Variants in LMO7 observed in about 807,000 individuals in gnomAD.
LMO7 encodes LIM domain only protein 7.
A neutral mutation model predicts 206.5 loss-of-function variants in LMO7; 120 were observed. That is an observed-to-expected ratio of 0.58 (90% confidence interval 0.50 to 0.68). The LOEUF (loss-of-function observed/expected upper bound fraction) is 0.68. Among genes scored for constraint, LMO7 ranks in the 30% least tolerant of loss-of-function variants. The pLI is 0.00. For synonymous variants in LMO7, 706 were observed against 681.5 expected, an observed-to-expected ratio of 1.04 and a Z score of -0.56; for missense variants, 1,959 against 1,957.9, an observed-to-expected ratio of 1.00 and a Z score of -0.01.
chr13:75,662,632 T>TAATGTGACCAAAGTTTTTC (rs149416214), intron 1 of LMO7, among the ~76,000 whole-genome samples: 1 of 152,204 alleles, frequency 6.6e-6, no homozygotes, highest in Non-Finnish European at 1.5e-5. Flanking sequence ...CTAAGTTTTT[T>TAATGTGACCAAAGTTTTTC]AATGTGCCAA....
intron 1 of LMO7, among the ~76,000 whole-genome samples, chr13:75,693,202 C>G (rs1274763941): frequency 2.0e-5 from 3 of 152,148 alleles, no homozygotes; most frequent in African/African-American, 7.2e-5. Flanking sequence ...AGAAGCAAGA[C>G]TAGTATGCAT....
intron 4 of LMO7, among the ~76,000 whole-genome samples, chr13:75,775,510 T>G (rs1278019598): frequency 6.6e-6 from 1 of 151,740 alleles, no homozygotes; most frequent in Non-Finnish European, 1.5e-5. Flanking sequence ...AATAAATAAA[T>G]AAAAATAATA....
intron 26 of LMO7, 108 bp from the exon 27 acceptor site, chr13:75,848,971 T>G (rs956442971): frequency 3.6e-5 from 24 of 662,380 alleles, no homozygotes; most frequent in Non-Finnish European, 5.5e-5. Flanking sequence ...TAAGGTGGTA[T>G]CACATTATGG....
intron 6 of LMO7, among the ~76,000 whole-genome samples, chr13:75,797,375 G>C (rs1169854170): frequency 2.0e-5 from 3 of 152,160 alleles, no homozygotes; most frequent in Non-Finnish European, 2.9e-5. Flanking sequence ...CATTTGCAGA[G>C]AGCCAAGTGC....
chr13:75,632,861 A>ATTTTTTTTTTTTTTTTTTTTTTTT (rs1339104269), upstream of LMO7, among the ~76,000 whole-genome samples: 1 of 30,542 alleles, frequency 3.3e-5, no homozygotes, highest in African/African-American at 8.6e-5. Flanking sequence ...ATTACTTAAA[A>ATTTTTTTTTTTTTTTTTTTTTTTT]GTTTTTTTTT....
chr13:75,838,181 C>A lies in LMO7; in HGVS notation c.3436C>A (p.Gln1146Lys), dbSNP rs200358507. 63 of 1,607,346 alleles carry A rather than the reference C, an allele frequency of 3.9e-5. 1 individual carries two copies. The South Asian group carries it at 6.7e-4, about 17-fold the overall frequency. ...ISLKNLKRRS[Q>K]FFEQGSSDSV... Reference sequence around the variant, plus strand: ...TTTGAAAAACTTAAAAAGGCGATCACAATTTTTTGAACAAGGTAAACCACA... The same window carrying A: ...TTTGAAAAACTTAAAAAGGCGATCAAAATTTTTTGAACAAGGTAAACCACA... Residue 1146 changes from glutamine to lysine, a missense_variant, in exon 20 of 31, where the codon CAA becomes AAA. Physicochemically the swap from Gln to Lys is moderately conservative, Grantham distance 53. Coordinates refer to ENST00000377534, the MANE Select transcript of LMO7 (RefSeq NM_001306080.2).
chr13:75,858,853 A>G lies in LMO7; in HGVS notation c.*910A>G, dbSNP rs1471954040. 4.6e-5 allele frequency: 7 copies of G among 152,216 alleles called. No homozygotes were observed. The highest frequency in any genetic ancestry group is 4.6e-4 in the Admixed American group (7 of 15,282). 9.4% of individuals were successfully genotyped at this position (152,216 alleles called of 1,614,324 possible). A position where few individuals can be genotyped will look rare whatever the true frequency, so the allele number is the denominator to read the frequency against. Reference sequence around the variant, plus strand: ...ACTTTGACAAATTTTGACATGGTGTATACCTTCGAAACTATGCCACAGTCT... The same window carrying G: ...ACTTTGACAAATTTTGACATGGTGTGTACCTTCGAAACTATGCCACAGTCT... On this transcript the variant is annotated 3_prime_UTR_variant, in exon 31 of 31. Coordinates refer to ENST00000377534, the MANE Select transcript of LMO7 (RefSeq NM_001306080.2).
intron 1 of LMO7, among the ~76,000 whole-genome samples, chr13:75,647,791 C>T (rs916057873): frequency 6.6e-6 from 1 of 152,006 alleles, no homozygotes; most frequent in East Asian, 1.9e-4. Flanking sequence ...GAAAGGGTTG[C>T]ACTTTATACC....
chr13:75,669,340 A>G (rs1347846204), intron 1 of LMO7, among the ~76,000 whole-genome samples: 1 of 152,154 alleles, frequency 6.6e-6, no homozygotes, highest in Non-Finnish European at 1.5e-5. Context: ...AAATATTAAA[A>G]TAGTATCAAA....
intron 2 of LMO7, chr13:75,626,960 AC>A (rs1229508213): frequency 6.6e-6 from 1 of 152,126 alleles, no homozygotes; most frequent in African/African-American, 2.4e-5. Context: ...CTAAAATATT[AC>A]TGCTATCCAC....
chr13:75,817,380 G>C, intron 12 of LMO7, 102 bp downstream of exon 12: 1 of 721,046 alleles, frequency 1.4e-6, no homozygotes. Flanking sequence ...TGCTATTACA[G>C]AATTCAGTTC....
At chr13:75,805,201 A>T in intron 8 of LMO7, 1 of 1,233,896 alleles carries the variant, frequency 8.1e-7, no homozygotes, top group Non-Finnish European at 1.0e-6. Flanking sequence ...GCTGATTTTA[A>T]TTCAGAAAGT....
chr13:75,801,184 C>G (rs561976220), intron 7 of LMO7, among the ~76,000 whole-genome samples: 1 of 143,814 alleles, frequency 7.0e-6, no homozygotes. Flanking sequence ...AATTTGTGTT[C>G]AAGAGTTCTA....
chr13:75,780,163 A>G (rs9600549), intron 4 of LMO7, among the ~76,000 whole-genome samples: 1,551 of 152,314 alleles, frequency 0.01, 26 homozygotes, highest in East Asian at 0.068. Context: ...CTGTGCATGC[A>G]TTGTCATTGA....
Position 75,805,681 on chromosome 13 carries a change from T to C in LMO7, c.1117T>C (p.Trp373Arg). The change falls in exon 9 of 31, where the codon TGG (tryptophan) becomes CGG (arginine). Residue 373 changes from tryptophan to arginine, a missense_variant. Transcript: ENST00000377534. ...TTTTGATCAGTTTCTTCCCAAATGT[T>C]GGACCCCAGAAGATGTGAACTGGAA... ...NAFDQFLPKC[W>R]TPEDVNWKRI... The C allele has an allele frequency of 6.2e-7, 1 of 1,614,034 alleles. No individual in the cohort carries two copies.
At chr13:75,714,096 G>A (rs1340259807) in intron 2 of LMO7, among the ~76,000 whole-genome samples, 14 of 152,226 alleles carry the variant, frequency 9.2e-5, no homozygotes. Context: ...AGCAGTGAGA[G>A]TGTATACACT....
At chr13:75,717,190 C>T (rs938537179) in intron 2 of LMO7, among the ~76,000 whole-genome samples, 2 of 151,720 alleles carry the variant, frequency 1.3e-5, no homozygotes, top group South Asian at 2.1e-4. Context: ...GGCGAAACCC[C>T]GTCTCTATTA....
chr13:75,711,776 G>C (rs1048794118), intron 1 of LMO7, among the ~76,000 whole-genome samples: 31 of 152,342 alleles, frequency 2.0e-4, no homozygotes, highest in African/African-American at 7.0e-4. Context: ...TTCTTATGAG[G>C]CTGTGGGCTC....
chr13:75,677,679 A>G (rs775251597), intron 1 of LMO7, among the ~76,000 whole-genome samples: 7 of 150,820 alleles, frequency 4.6e-5, no homozygotes, highest in African/African-American at 7.3e-5. Flanking sequence ...TCTAGGGTAC[A>G]TGTGCACAAT....
Sources: allele counts gnomAD v4.1 joint callset (sites outside exome capture counted in the v4.1 genomes callset), GRCh38; gene constraint gnomAD v4.1.1; transcripts MANE v1.5; gene names NCBI Gene and HGNC (gene_info 2026-07-23, HGNC 2026-07-21).